TCF3: variants seen among roughly 807,000 people sequenced by gnomAD.
The protein encoded by TCF3 is transcription factor E2-alpha.
TCF3 carries 54 observed loss-of-function variants against 72.3 expected under a neutral mutation model. That is an observed-to-expected ratio of 0.75 (90% CI 0.60 to 0.94). The LOEUF (loss-of-function observed/expected upper bound fraction) is 0.94. Among genes scored for constraint, TCF3 ranks in the 40% least tolerant of loss-of-function variants. The probability of loss-of-function intolerance (pLI) is 0.00; values close to 1 mark genes in which losing one functional copy is unlikely to be tolerated. For synonymous variants in TCF3, 525 were observed against 412.6 expected (o/e 1.27, Z -3.30); for missense variants, 1,078 against 934.4 (o/e 1.15, Z -2.00).
chr19:1,637,591 A>C (rs1051776981), intron 3 of TCF3, among the ~76,000 whole-genome samples: 9 of 152,264 alleles, frequency 5.9e-5, no homozygotes, highest in African/African-American at 1.9e-4. Flanking sequence ...GGGACCGGAG[A>C]ACCTGCCCCT....
At chr19:1,639,476 T>C in intron 3 of TCF3, among the ~76,000 whole-genome samples, 1 of 152,146 alleles carries the variant, frequency 6.6e-6, no homozygotes, top group East Asian at 1.9e-4. Context: ...CAGAGGGGGA[T>C]GGCGCTGCTC....
chr19:1,622,551 T>G, intron 8 of TCF3, 136 bp from the exon 9 acceptor site: 1 of 532,874 alleles, frequency 1.9e-6, no homozygotes, highest in Non-Finnish European at 3.2e-6. Flanking sequence ...GCCACCCCCC[T>G]TTAGGTAAAT....
intron 3 of TCF3, among the ~76,000 whole-genome samples, chr19:1,643,779 G>A (rs1002576260): frequency 2.6e-5 from 4 of 152,192 alleles, no homozygotes; most frequent in African/African-American, 4.8e-5. Flanking sequence ...TAATTTTCAG[G>A]GACACCTTTT....
At chr19:1,629,073 G>A (rs1396319902) in intron 5 of TCF3, among the ~76,000 whole-genome samples, 2 of 62,608 alleles carry the variant, frequency 3.2e-5, no homozygotes, top group Admixed American at 2.8e-4. Context: ...CAGAGCTCAC[G>A]GGGTGAGGCG....
chr19:1,639,030 G>T (rs187682062), intron 3 of TCF3, among the ~76,000 whole-genome samples: 1 of 152,130 alleles, frequency 6.6e-6, no homozygotes, highest in South Asian at 2.1e-4. Flanking sequence ...CCTTCATATC[G>T]AAGTTTCAAT....
Position 1,611,181 on chromosome 19 carries a change from GTTT to G in TCF3, c.*523_*525del. 4.0e-6 allele frequency: 1 copy of G among 247,438 alleles called. No individual in the cohort carries two copies. The highest frequency in any genetic ancestry group is 7.8e-6 in the Non-Finnish European group (1 of 128,640). 15.3% of individuals were successfully genotyped at this position (247,438 alleles called of 1,614,324 possible). On this transcript the variant is annotated 3_prime_UTR_variant, in exon 19 of 19. Coordinates refer to ENST00000262965, the MANE Select transcript of TCF3 (RefSeq NM_003200.5). ...AGAAAAAAAAAATCTTGTAACTAATGTTTTTATTTTCCTTAAAAAAAATATTTC... is the reference window on the plus strand; with the variant it reads ...AGAAAAAAAAAATCTTGTAACTAATGTTATTTTCCTTAAAAAAAATATTTC...
chr19:1,651,648 G>GGAAC, intron 1 of TCF3, among the ~76,000 whole-genome samples: 1 of 152,170 alleles, frequency 6.6e-6, no homozygotes, highest in Non-Finnish European at 1.5e-5. Context: ...GGGGCGCGCT[G>GGAAC]GAACGCCTTT....
intron 18 of TCF3, among the ~76,000 whole-genome samples, chr19:1,613,752 G>A (rs1182646944): frequency 2.6e-5 from 4 of 151,874 alleles, no homozygotes; most frequent in East Asian, 1.9e-4. Flanking sequence ...AAATGCACCC[G>A]TCCCCTACAG....
At chr19:1,636,818 C>A (rs1166785932) in intron 3 of TCF3, among the ~76,000 whole-genome samples, 2 of 152,140 alleles carry the variant, frequency 1.3e-5, no homozygotes, top group Non-Finnish European at 2.9e-5. Context: ...TGACGAGATC[C>A]CGCAAAGCCT....
intron 14 of TCF3, 114 bp downstream of exon 14, chr19:1,619,666 A>T: frequency 1.5e-6 from 2 of 1,296,610 alleles, no homozygotes; most frequent in Non-Finnish European, 2.1e-6. Flanking sequence ...AGGCCTCAAT[A>T]ACAGCTTGGG....
rs1292110078 is a variant in TCF3, at chr19:1,610,773, G to T, written c.*934C>A. 8.6e-6 allele frequency: 2 copies of T among 232,266 alleles called. No individual in the cohort carries two copies. Among genetic ancestry groups the T allele is most frequent in the Non-Finnish European group, 1.7e-5 (2 of 117,514 alleles). The allele number at this position is 232,266 out of a possible 1,614,324, so 14.4% of individuals were successfully genotyped here. On this transcript the variant is annotated 3_prime_UTR_variant, in exon 19 of 19. Coordinates refer to ENST00000262965, the MANE Select transcript of TCF3 (RefSeq NM_003200.5). ...AAGCCCAGGTCAGTCCCCTTCCTGAGGGGAGAGGATGCGGCAGGGAAGCCC... is the reference window on the plus strand; with the variant it reads ...AAGCCCAGGTCAGTCCCCTTCCTGATGGGAGAGGATGCGGCAGGGAAGCCC...
At chr19:1,619,002 C>T (rs970015148) in intron 16 of TCF3, 109 bp downstream of exon 16, 8 of 1,538,352 alleles carry the variant, frequency 5.2e-6, no homozygotes, top group African/African-American at 4.1e-5. Context: ...CACCAGGTGC[C>T]CCCACGGTGA....
chr19:1,617,927 C>T (rs958272232), intron 16 of TCF3, among the ~76,000 whole-genome samples: 25 of 152,180 alleles, frequency 1.6e-4, no homozygotes, highest in African/African-American at 4.3e-4. Flanking sequence ...GGGGCAGAGC[C>T]GCTGCGGTGA....
rs114619872 is a variant in TCF3 at position 1,617,299 on chromosome 19, G to A, written c.1451-1478C>T. 9.0e-3 allele frequency among the ~76,000 whole-genome samples: 1,365 copies of A among 152,302 alleles called. 27 individuals are homozygous for A. Among genetic ancestry groups the A allele is most frequent in the African/African-American group, 0.031 (1,286 of 41,556 alleles). ...GCCCCACGCCCGGGCCAGGGCCAAC[G>A]GCACACTCACAATGGGACCCCAGCC... On this transcript the variant is annotated intron_variant, in intron 16 of 18. Transcript: ENST00000262965.
intron 1 of TCF3, 185 bp from the exon 2 acceptor site, chr19:1,650,472 CAG>C (rs2066846581): frequency 3.5e-6 from 2 of 573,788 alleles, no homozygotes; most frequent in African/African-American, 3.8e-5. Flanking sequence ...GCTGGAATTC[CAG>C]AGTCTAGGTC....
intron 6 of TCF3, among the ~76,000 whole-genome samples, chr19:1,626,411 T>C (rs1002016662): frequency 7.2e-5 from 11 of 151,860 alleles, no homozygotes; most frequent in South Asian, 4.2e-4. Context: ...GATTGCGCCA[T>C]TGAACTCCAG....
rs1487181959 is a variant in TCF3, at chr19:1,632,351, G to C, written c.200C>G (p.Ser67Cys). The change falls in exon 4 of 19, where the codon TCC (serine) becomes TGC (cysteine). Residue 67 changes from serine to cysteine, a missense_variant. Physicochemically the swap from Ser to Cys is moderately radical, Grantham distance 112. Transcript: ENST00000262965. ...GSWGSGDQSSSSFDPSRTFSE... is the reference protein window; with the variant it reads ...GSWGSGDQSSCSFDPSRTFSE... ...TCCTACCCGGCTGGGGTCAAAGGAG[G>C]AGCTGCTCTGGTCGCCGCTGCCCCA... The C allele has an allele frequency of 1.9e-6, 3 of 1,591,054 alleles. No individual in the cohort carries two copies. Among genetic ancestry groups the C allele is most frequent in the Non-Finnish European group, 2.6e-6 (3 of 1,169,116 alleles).
At position 1,611,860 on chromosome 19, in the gene TCF3, G is replaced by C; in HGVS notation, c.1823-11C>G. The C allele has an allele frequency of 6.2e-7, 1 of 1,605,776 alleles. No homozygotes were observed. Among genetic ancestry groups the C allele is most frequent in the Non-Finnish European group, 8.5e-7 (1 of 1,176,480 alleles). ...GATTCAGGTTCCGCTCTGGAGGGAG[G>C]GGGGAGAGCTCTGTGGGAGACGGTC... is the stretch of plus-strand genomic sequence containing the variant. On this transcript the variant is annotated splice_polypyrimidine_tract_variant and intron_variant, in intron 18 of 18. Transcript: ENST00000262965.
intron 18 of TCF3, among the ~76,000 whole-genome samples, 192 bp from the exon 19 acceptor site, chr19:1,612,041 GAGTGGGTATC>G (rs2061050608): frequency 1.3e-5 from 2 of 152,016 alleles, no homozygotes; most frequent in Admixed American, 1.3e-4. Context: ...GTAAAGAAGA[GAGTGGGTATC>G]AGGGGGTGTC....
Sources: allele counts gnomAD v4.1 joint callset (sites outside exome capture counted in the v4.1 genomes callset), GRCh38; gene constraint gnomAD v4.1.1; transcripts MANE v1.5; gene names NCBI Gene and HGNC (gene_info 2026-07-23, HGNC 2026-07-21).